The following ZDHHC21 variants were observed in gnomAD, a reference collection of about 807,000 sequenced individuals.
The protein encoded by ZDHHC21 is palmitoyltransferase ZDHHC21.
ZDHHC21 carries 15 observed loss-of-function variants against 34.6 expected under a neutral mutation model. The observed-to-expected ratio is 0.43, with a 90% CI of 0.29 to 0.67. ZDHHC21 has a LOEUF of 0.67. Among genes scored for constraint, ZDHHC21 ranks in the 30% least tolerant of loss-of-function variants. The probability of loss-of-function intolerance (pLI) is 0.14; values close to 1 mark genes in which losing one functional copy is unlikely to be tolerated. For missense variants in ZDHHC21, 344 were observed against 327.7 expected (o/e 1.05, Z -0.38); for synonymous variants, 142 against 101.8 (o/e 1.40, Z -2.38).
chr9:14,693,311 G>A lies in ZDHHC21; in HGVS notation c.-307C>T. On this transcript the variant is annotated 5_prime_UTR_variant, in exon 1 of 10. Coordinates refer to ENST00000380916, the MANE Select transcript of ZDHHC21 (RefSeq NM_178566.6). ...CCCCTCCTCCTGCCGCGCCACCTCC[G>A]CCTCCTCCGGCGCCGCCGCCCAGGC... 2.4e-6 allele frequency: 1 copy of A among 416,460 alleles called. No homozygotes were observed. Among genetic ancestry groups the A allele is most frequent in the Non-Finnish European group, 4.7e-6 (1 of 211,278 alleles). The allele number at this position is 416,460 out of a possible 1,614,324, so 25.8% of individuals were successfully genotyped here.
At chr9:14,688,448 G>C (rs1184218270) in intron 2 of ZDHHC21, among the ~76,000 whole-genome samples, 1 of 150,796 alleles carries the variant, frequency 6.6e-6, no homozygotes, top group African/African-American at 2.5e-5. Flanking sequence ...CAATACCCCA[G>C]GGCCTGCTCT....
At chr9:14,682,102 A>G (rs1837486089) in intron 2 of ZDHHC21, among the ~76,000 whole-genome samples, 1 of 152,184 alleles carries the variant, frequency 6.6e-6, no homozygotes, top group South Asian at 2.1e-4. Flanking sequence ...GACTGTAAAG[A>G]CCACAGATGC....
At chr9:14,688,758 AG>A (rs1838725950) in intron 2 of ZDHHC21, among the ~76,000 whole-genome samples, 1 of 152,344 alleles carries the variant, frequency 6.6e-6, no homozygotes, top group Admixed American at 6.5e-5. Flanking sequence ...GCTACTCGGG[AG>A]GCTGAGACAG....
intron 8 of ZDHHC21, among the ~76,000 whole-genome samples, chr9:14,621,981 T>C (rs1054933893): frequency 6.6e-6 from 1 of 152,158 alleles, no homozygotes; most frequent in African/African-American, 2.4e-5. Flanking sequence ...AGATAACTAT[T>C]ATCCTCAAGG....
rs562277579 is a variant in ZDHHC21, at chr9:14,670,850, AG to A, written c.253+1979del. ...GAAGGTGCTTTTGCCTTGTGTAGCAAGAAAAAAAATCCATCCATCTTAACAC... is the reference window on the plus strand; with the variant it reads ...GAAGGTGCTTTTGCCTTGTGTAGCAAAAAAAAAATCCATCCATCTTAACAC... On this transcript the variant is annotated intron_variant, in intron 5 of 9. Transcript: ENST00000380916. 2.0e-5 allele frequency among the ~76,000 whole-genome samples: 3 copies of A among 152,178 alleles called. No homozygotes were observed. In the South Asian group the frequency reaches 6.2e-4, roughly 32 times the overall value.
chr9:14,614,672 CTT>C lies in ZDHHC21; in HGVS notation c.*4292_*4293del, dbSNP rs1191021584. 1 of 151,632 alleles carries C rather than the reference CTT, an allele frequency of 6.6e-6. No individual in the cohort carries two copies. Among genetic ancestry groups the C allele is most frequent in the Non-Finnish European group, 1.5e-5 (1 of 67,700 alleles). 9.4% of individuals were successfully genotyped at this position (151,632 alleles called of 1,614,324 possible). Reference sequence around the variant, plus strand: ...GATTTCTAGAATAAAAGTTAACAAACTTGGGCATTAAATAACACATTCATTAA... The same window carrying C: ...GATTTCTAGAATAAAAGTTAACAAACGGGCATTAAATAACACATTCATTAA... On this transcript the variant is annotated 3_prime_UTR_variant, in exon 10 of 10. Coordinates refer to ENST00000380916, the MANE Select transcript of ZDHHC21 (RefSeq NM_178566.6).
chr9:14,686,069 G>T (rs1838269603), intron 2 of ZDHHC21, among the ~76,000 whole-genome samples: 1 of 151,962 alleles, frequency 6.6e-6, no homozygotes, highest in African/African-American at 2.4e-5. Context: ...GTGGGGGAGG[G>T]GGGAGGAATA....
chr9:14,630,154 C>CA (rs1827079799), intron 8 of ZDHHC21, among the ~76,000 whole-genome samples: 1 of 152,222 alleles, frequency 6.6e-6, no homozygotes, highest in African/African-American at 2.4e-5. Flanking sequence ...GCACTTTACC[C>CA]ACAGTAGGAC....
chr9:14,672,227 T>C (rs1019552949), intron 5 of ZDHHC21, among the ~76,000 whole-genome samples: 3 of 152,158 alleles, frequency 2.0e-5, no homozygotes, highest in African/African-American at 7.2e-5. Context: ...TATATGAAAC[T>C]GCTCAACCTT....
rs1415879979 is a variant in ZDHHC21, at chr9:14,692,887, G to A, written c.-225+342C>T. Among the ~76,000 whole-genome samples, 4 of 151,262 alleles carry A rather than the reference G, an allele frequency of 2.6e-5. No individual in the cohort carries two copies. The East Asian group carries it at 5.9e-4, about 22-fold the overall frequency. ...TGTAGTTTACAAGCGAGAAACTCAG[G>A]ATACAGATTTAAAATAAATAAATAA... On this transcript the variant is annotated intron_variant, in intron 1 of 9. Transcript: ENST00000380916.
At chr9:14,676,133 T>C (rs1239885067) in intron 3 of ZDHHC21, among the ~76,000 whole-genome samples, 1 of 151,986 alleles carries the variant, frequency 6.6e-6, no homozygotes, top group East Asian at 1.9e-4. Context: ...AGCTCTGGTG[T>C]GAATGATAAA....
the ZDHHC21 span, among the ~76,000 whole-genome samples, chr9:14,602,932 A>C: frequency 0.13 from 3,515 of 26,518 alleles, 29 homozygotes; most frequent in East Asian, 0.29. Context: ...TCATCTCAAA[A>C]AAAAAAAAAA....
chr9:14,689,139 T>C (rs1246798997), intron 2 of ZDHHC21, among the ~76,000 whole-genome samples: 1 of 152,202 alleles, frequency 6.6e-6, no homozygotes, highest in Non-Finnish European at 1.5e-5. Flanking sequence ...ACTTCAAATA[T>C]TACAGCCCTT....
chr9:14,676,266 G>A (rs563611347), intron 3 of ZDHHC21, among the ~76,000 whole-genome samples: 39 of 152,056 alleles, frequency 2.6e-4, no homozygotes, highest in Non-Finnish European at 5.6e-4. Flanking sequence ...AGGGGTTACA[G>A]GGGAAAGTGT....
At position 14,613,483 on chromosome 9, in the gene ZDHHC21, C is replaced by A. The variant is rs1046427286; in HGVS notation, c.*5483G>T. ...GCAGGTAAGCTTTCCCTTTAGTTAA[C>A]AGCCTGCAAACAATTAAACCCTGTA... On this transcript the variant is annotated 3_prime_UTR_variant, in exon 10 of 10. Coordinates refer to ENST00000380916, the MANE Select transcript of ZDHHC21 (RefSeq NM_178566.6). The A allele has an allele frequency of 1.3e-5, 2 of 151,742 alleles. No homozygotes were observed. Among genetic ancestry groups the A allele is most frequent in the African/African-American group, 4.8e-5 (2 of 41,386 alleles). 9.4% of individuals were successfully genotyped at this position (151,742 alleles called of 1,614,324 possible). A position where few individuals can be genotyped will look rare whatever the true frequency, so the allele number is the denominator to read the frequency against.
intron 8 of ZDHHC21, among the ~76,000 whole-genome samples, chr9:14,639,213 T>C (rs1230952974): frequency 2.6e-5 from 4 of 151,976 alleles, no homozygotes; most frequent in Admixed American, 6.6e-5. Flanking sequence ...TGCAGCAACA[T>C]GGATGGAACT....
At chr9:14,597,262 G>A in the ZDHHC21 span, among the ~76,000 whole-genome samples, 18 of 152,046 alleles carry the variant, frequency 1.2e-4, 1 homozygote, top group African/African-American at 4.1e-4. Context: ...CTATCTCCAC[G>A]TCCCTGGAGC....
the ZDHHC21 span, among the ~76,000 whole-genome samples, chr9:14,598,463 T>C: frequency 3.9e-5 from 6 of 152,240 alleles, no homozygotes; most frequent in African/African-American, 1.4e-4. Context: ...TATTTCCCTA[T>C]GAAAGCCAAT....
intron 5 of ZDHHC21, 129 bp downstream of exon 5, chr9:14,672,701 C>T (rs1424519632): frequency 1.7e-6 from 1 of 605,226 alleles, no homozygotes; most frequent in Non-Finnish European, 2.7e-6. Context: ...GGAAAAGACA[C>T]ATACAAGCAA....
Sources: gnomAD v4.1 joint callset for allele counts (sites outside exome capture counted in the v4.1 genomes callset) on GRCh38, gnomAD v4.1.1 for gene constraint, MANE v1.5 for transcripts, NCBI Gene and HGNC (gene_info 2026-07-23, HGNC 2026-07-21) for gene names.